BICC1: variants seen among roughly 807,000 people sequenced by gnomAD.
The protein encoded by BICC1 is protein bicaudal C homolog 1.
A neutral mutation model predicts 111.0 loss-of-function variants in BICC1; 43 were observed. That is an observed-to-expected ratio of 0.39 (90% confidence interval 0.30 to 0.50). BICC1 has a LOEUF of 0.50. Among genes scored for constraint, BICC1 ranks in the 20% least tolerant of loss-of-function variants. The pLI, the probability that BICC1 is intolerant of heterozygous loss-of-function variation, is 0.88. For synonymous variants in BICC1, 467 were observed against 434.4 expected, an observed-to-expected ratio of 1.07 and a Z score of -0.93; for missense variants, 1,091 against 1,203.2, an observed-to-expected ratio of 0.91 and a Z score of 1.38.
intron 2 of BICC1, among the ~76,000 whole-genome samples, chr10:58,696,029 T>C (rs1203369626): frequency 6.6e-6 from 1 of 152,210 alleles, no homozygotes; most frequent in East Asian, 1.9e-4. Flanking sequence ...GACTTTCTTC[T>C]AATTACAAAA....
In BICC1 at chr10:58,793,506, T is replaced by C; in HGVS notation, c.1070T>C (p.Met357Thr). 2 of 1,612,584 alleles carry C rather than the reference T, an allele frequency of 1.2e-6. No homozygotes were observed. The highest frequency in any genetic ancestry group is 1.7e-6 in the Non-Finnish European group (2 of 1,179,064). The change falls in exon 9 of 21, where the codon ATG becomes ACG. Residue 357 changes from methionine to threonine, a missense_variant. By Grantham distance (81) the Met-to-Thr change is moderately conservative. Transcript: ENST00000373886. ...YLMGCLPLVLMFDMKEEIEVD... is the reference protein window; with the variant it reads ...YLMGCLPLVLTFDMKEEIEVD... Reference sequence around the variant, plus strand: ...TAGGGTTGTCTTCCTCTTGTGTTGATGTTTGATATGAAGGAAGAAATTGAA... The same window carrying C: ...TAGGGTTGTCTTCCTCTTGTGTTGACGTTTGATATGAAGGAAGAAATTGAA...
chr10:58,816,405 TA>T (rs1416136223), intron 18 of BICC1, among the ~76,000 whole-genome samples: 3 of 152,190 alleles, frequency 2.0e-5, no homozygotes, highest in Non-Finnish European at 4.4e-5. Context: ...CCCCAAGAGA[TA>T]AACAGCAGCT....
chr10:58,648,679 G>A (rs1298218063), intron 2 of BICC1: 1 of 983,622 alleles, frequency 1.0e-6, no homozygotes, highest in Admixed American at 6.2e-5. Flanking sequence ...GGTACAGAAT[G>A]CCTCTACACT....
chr10:58,680,783 C>T (rs1839495153), intron 2 of BICC1, among the ~76,000 whole-genome samples: 1 of 152,152 alleles, frequency 6.6e-6, no homozygotes, highest in Non-Finnish European at 1.5e-5. Context: ...TACTACAAGG[C>T]TACAGTAACC....
intron 14 of BICC1, 81 bp from the exon 15 acceptor site, chr10:58,802,996 A>G: frequency 7.7e-7 from 1 of 1,292,760 alleles, no homozygotes; most frequent in South Asian, 1.9e-5. Flanking sequence ...ATAAACATGC[A>G]TAGTAAATGT....
intron 2 of BICC1, among the ~76,000 whole-genome samples, chr10:58,680,176 G>C (rs943939061): frequency 2.0e-5 from 3 of 152,120 alleles, no homozygotes; most frequent in Admixed American, 2.0e-4. Flanking sequence ...TTCTGGCCAG[G>C]GCAATCAGGC....
rs140561785 is a variant in BICC1 at position 58,807,029 on chromosome 10, G to A, written c.2247G>A (p.Thr749=). 83 of 1,613,430 alleles carry A rather than the reference G, an allele frequency of 5.1e-5. No homozygotes were observed. The East Asian group carries it at 1.6e-3, about 31-fold the overall frequency. The part of the protein sequence containing the change: ...TKAMLKKPVV[T]EVRTPTNTWS... ...CTATGTTAAAGAAACCAGTGGTGACGGAGGTCAGAACGCCCACAAATACCT... is the reference window on the plus strand; with the variant it reads ...CTATGTTAAAGAAACCAGTGGTGACAGAGGTCAGAACGCCCACAAATACCT... The change falls in exon 17 of 21, where the codon ACG becomes ACA. Residue 749 remains threonine, a synonymous_variant. Transcript: ENST00000373886.
At position 58,601,168 on chromosome 10, in the gene BICC1, AT is replaced by A. The variant is rs1564506879; in HGVS notation, c.191-19686del. Among the ~76,000 whole-genome samples the A allele has an allele frequency of 3.1e-3, 431 of 139,336 alleles. 4 individuals carry two copies. Among genetic ancestry groups the A allele is most frequent in the East Asian group, 6.0e-3 (29 of 4,860 alleles). 91.4% of individuals were successfully genotyped at this position (139,336 alleles called of 152,430 possible). ...TATATATATATATATATATATATAT[AT>A]ATCTCCCAATAAAATTTGGAAAATA... On this transcript the variant is annotated intron_variant, in intron 1 of 20. Coordinates refer to ENST00000373886, the MANE Select transcript of BICC1 (RefSeq NM_001080512.3).
At chr10:58,816,845 G>A (rs1163544508) in intron 18 of BICC1, among the ~76,000 whole-genome samples, 1 of 151,278 alleles carries the variant, frequency 6.6e-6, no homozygotes, top group African/African-American at 2.4e-5. Context: ...GCTTGTCACT[G>A]GGTCTGAGAG....
intron 3 of BICC1, among the ~76,000 whole-genome samples, chr10:58,708,015 TGTA>T (rs747193054): frequency 2.5e-3 from 368 of 145,324 alleles, no homozygotes; most frequent in East Asian, 4.3e-3. Context: ...TTTTTTTTTT[TGTA>T]TTTTTAGTAG....
chr10:58,814,365 A>AACGCCTAGTGAACTGTCTG (rs1432092782), intron 18 of BICC1: 42 of 518,142 alleles, frequency 8.1e-5, no homozygotes, highest in African/African-American at 1.7e-4. Context: ...TTTCTTCCCA[A>AACGCCTAGTGAACTGTCTG]ACGCCTAGTG....
chr10:58,629,349 G>T (rs1316926449), intron 2 of BICC1, among the ~76,000 whole-genome samples: 1 of 151,986 alleles, frequency 6.6e-6, no homozygotes, highest in East Asian at 1.9e-4. Context: ...ACAGGTTGTT[G>T]GTGGCAGCCA....
chr10:58,749,756 T>G (rs1841933991), intron 3 of BICC1, among the ~76,000 whole-genome samples: 1 of 152,138 alleles, frequency 6.6e-6, no homozygotes, highest in Non-Finnish European at 1.5e-5. Context: ...ATTGAAGAAA[T>G]GTCCAAGGAG....
intron 1 of BICC1, among the ~76,000 whole-genome samples, chr10:58,548,247 C>T (rs999896360): frequency 6.6e-6 from 1 of 152,196 alleles, no homozygotes; most frequent in Non-Finnish European, 1.5e-5. Flanking sequence ...GATCCATTTG[C>T]ATTGTTCAAC....
At chr10:58,660,655 A>G (rs12412128) in intron 2 of BICC1, among the ~76,000 whole-genome samples, 4 of 151,958 alleles carry the variant, frequency 2.6e-5, no homozygotes, top group Non-Finnish European at 5.9e-5. Context: ...CAGTATTCCA[A>G]CTACTCAAGA....
intron 17 of BICC1, among the ~76,000 whole-genome samples, chr10:58,808,630 C>T (rs1303972428): frequency 6.6e-6 from 1 of 152,062 alleles, no homozygotes; most frequent in Non-Finnish European, 1.5e-5. Flanking sequence ...AGCTGTGTCT[C>T]ATTCAGGTTG....
intron 2 of BICC1, among the ~76,000 whole-genome samples, chr10:58,680,998 C>T (rs1035189263): frequency 6.6e-6 from 1 of 152,186 alleles, no homozygotes; most frequent in Non-Finnish European, 1.5e-5. Context: ...GGACCCCTTC[C>T]TTACACCTTA....
intron 18 of BICC1, chr10:58,814,208 A>G: frequency 4.7e-6 from 3 of 632,044 alleles, no homozygotes; most frequent in South Asian, 3.9e-5. Flanking sequence ...AGCACTTGCC[A>G]TACCAAAGGG....
intron 1 of BICC1, among the ~76,000 whole-genome samples, chr10:58,562,124 G>A (rs1218971892): frequency 6.6e-6 from 1 of 151,970 alleles, no homozygotes; most frequent in Non-Finnish European, 1.5e-5. Flanking sequence ...TTTACTTAAG[G>A]ATTTTTGAGC....
Sources: allele counts gnomAD v4.1 joint callset (sites outside exome capture counted in the v4.1 genomes callset), GRCh38; gene constraint gnomAD v4.1.1; transcripts MANE v1.5; gene names NCBI Gene and HGNC (gene_info 2026-07-23, HGNC 2026-07-21).